The following EXOC2 variants were observed in gnomAD, a reference collection of about 807,000 sequenced individuals.
EXOC2 encodes the protein SEC5-like 1.
A neutral mutation model predicts 131.8 loss-of-function variants in EXOC2; 70 were observed. The ratio of observed to expected loss-of-function variants is 0.53; its 90% confidence interval spans 0.44 to 0.65. EXOC2 has a LOEUF of 0.65. EXOC2 is among the 30% of genes least tolerant of loss of function. The probability of loss-of-function intolerance (pLI) is 0.00; values close to 1 mark genes in which losing one functional copy is unlikely to be tolerated. For missense variants in EXOC2, 923 were observed against 1,108.6 expected (o/e 0.83, Z 2.38); for synonymous variants, 411 against 398.4 (o/e 1.03, Z -0.38).
intron 12 of EXOC2, among the ~76,000 whole-genome samples, chr6:574,401 C>T (rs554772075): frequency 1.3e-5 from 2 of 152,268 alleles, no homozygotes; most frequent in South Asian, 2.1e-4. Context: ...CAAAACAAAA[C>T]GATAAACACT....
intron 11 of EXOC2, among the ~76,000 whole-genome samples, chr6:591,947 A>C (rs1480415970): frequency 6.6e-6 from 1 of 152,150 alleles, no homozygotes; most frequent in Non-Finnish European, 1.5e-5. Context: ...GGCTTCTCTG[A>C]GACATTCCCA....
At chr6:503,887 C>T (rs1036087798) in intron 23 of EXOC2, among the ~76,000 whole-genome samples, 7 of 152,298 alleles carry the variant, frequency 4.6e-5, no homozygotes, top group Middle Eastern at 6.8e-3. Context: ...CAGCCTGTCC[C>T]GTGGGCTCTT....
intron 7 of EXOC2, among the ~76,000 whole-genome samples, chr6:604,804 C>T (rs1760311762): frequency 6.6e-6 from 1 of 151,618 alleles, no homozygotes; most frequent in Non-Finnish European, 1.5e-5. Flanking sequence ...CCCGCGGGGA[C>T]ACACCTGCCT....
chr6:510,979 G>A (rs73380951), intron 23 of EXOC2, among the ~76,000 whole-genome samples: 234 of 152,352 alleles, frequency 1.5e-3, no homozygotes, highest in African/African-American at 5.4e-3. Context: ...TGGGTTAACT[G>A]TTGATTTTCA....
At chr6:672,742 T>G (rs1242923069) in intron 1 of EXOC2, among the ~76,000 whole-genome samples, 1 of 152,240 alleles carries the variant, frequency 6.6e-6, no homozygotes, top group East Asian at 1.9e-4. Context: ...ATAAGGGAAG[T>G]TGCTGATTTT....
chr6:499,773 T>C, intron 23 of EXOC2, 73 bp from the exon 24 acceptor site: 1 of 1,226,626 alleles, frequency 8.2e-7, no homozygotes, highest in Non-Finnish European at 1.2e-6. Flanking sequence ...TGGCAGGCTG[T>C]ACCCCATGCT....
At chr6:624,338 A>C (rs1034964510) in intron 4 of EXOC2, among the ~76,000 whole-genome samples, 1 of 152,352 alleles carries the variant, frequency 6.6e-6, no homozygotes, top group Admixed American at 6.5e-5. Flanking sequence ...TATAATCTCG[A>C]GAAGTTATTC....
intron 7 of EXOC2, among the ~76,000 whole-genome samples, chr6:608,388 A>G: frequency 6.6e-6 from 1 of 152,266 alleles, no homozygotes; most frequent in Non-Finnish European, 1.5e-5. Flanking sequence ...TTGTTAAAAA[A>G]TGTTTCTAGA....
intron 1 of EXOC2, among the ~76,000 whole-genome samples, chr6:692,272 ACT>A (rs1487873967): frequency 6.6e-6 from 1 of 152,262 alleles, no homozygotes; most frequent in African/African-American, 2.4e-5. Flanking sequence ...AAAATAACTT[ACT>A]TCCATTCAAA....
chr6:566,175 C>A (rs1171069211), intron 13 of EXOC2, among the ~76,000 whole-genome samples: 1 of 152,218 alleles, frequency 6.6e-6, no homozygotes, highest in Non-Finnish European at 1.5e-5. Flanking sequence ...CCTGAGTTCA[C>A]TGGTCAATGA....
intron 23 of EXOC2, among the ~76,000 whole-genome samples, chr6:501,176 CTATATATTATATATATCTA>C (rs1561785728): frequency 1.6e-4 from 1 of 6,358 alleles, no homozygotes; most frequent in African/African-American, 8.6e-4. Context: ...TTATATATAT[CTATATATTATATATATCTA>C]TATATATTAT....
intron 1 of EXOC2, among the ~76,000 whole-genome samples, chr6:638,466 T>C (rs1035587588): frequency 3.3e-5 from 5 of 152,216 alleles, no homozygotes; most frequent in Admixed American, 2.6e-4. Flanking sequence ...TGAGACCAGG[T>C]AGACTTGTGT....
At chr6:545,974 AAT>A (rs1435121428) in intron 22 of EXOC2, among the ~76,000 whole-genome samples, 2 of 152,158 alleles carry the variant, frequency 1.3e-5, no homozygotes, top group African/African-American at 4.8e-5. Flanking sequence ...AATTCAGAAA[AAT>A]GTTTCTTTTT....
At chr6:552,037 C>A (rs924564630) in intron 21 of EXOC2, among the ~76,000 whole-genome samples, 18 of 152,246 alleles carry the variant, frequency 1.2e-4, no homozygotes, top group African/African-American at 4.3e-4. Context: ...GCGGCTCTGA[C>A]TGGGCCAGCT....
intron 23 of EXOC2, among the ~76,000 whole-genome samples, chr6:513,131 A>C (rs568071826): frequency 8.5e-5 from 13 of 152,352 alleles, no homozygotes; most frequent in Admixed American, 2.0e-4. Context: ...TGGCGGGCAT[A>C]AACACTCATT....
chr6:578,168 C>G (rs1561880610), intron 11 of EXOC2, among the ~76,000 whole-genome samples: 1 of 152,142 alleles, frequency 6.6e-6, no homozygotes, highest in Non-Finnish European at 1.5e-5. Context: ...ATATTTTTTA[C>G]TTTATAACTT....
chr6:608,319 G>A (rs866590786), intron 7 of EXOC2, among the ~76,000 whole-genome samples: 12 of 152,172 alleles, frequency 7.9e-5, no homozygotes, highest in African/African-American at 2.4e-4. Flanking sequence ...TTAAATAAAC[G>A]TCTGTCAAGT....
chr6:656,038 T>C, intron 1 of EXOC2: 1 of 1,179,336 alleles, frequency 8.5e-7, no homozygotes, highest in South Asian at 1.4e-5. Context: ...TTCAACCCAA[T>C]TAACTCAGGG....
intron 6 of EXOC2, among the ~76,000 whole-genome samples, chr6:614,535 A>G (rs535567526): frequency 6.6e-6 from 1 of 152,248 alleles, no homozygotes; most frequent in Non-Finnish European, 1.5e-5. Flanking sequence ...TCTGAGTACA[A>G]CAGCTTTCAC....
Sources: allele counts gnomAD v4.1 joint callset (sites outside exome capture counted in the v4.1 genomes callset), GRCh38; gene constraint gnomAD v4.1.1; transcripts MANE v1.5; gene names NCBI Gene and HGNC (gene_info 2026-07-23, HGNC 2026-07-21).